HAS3: variants seen among roughly 807,000 people sequenced by gnomAD.
HAS3 encodes HA synthase 3.
HAS3 carries 27 observed loss-of-function variants against 50.3 expected under a neutral mutation model. That is an observed-to-expected ratio of 0.54 (90% CI 0.40 to 0.74). The LOEUF (loss-of-function observed/expected upper bound fraction) is 0.74, where lower values mean the gene tolerates loss of function less well. HAS3 is among the 30% of genes least tolerant of loss of function. The pLI is 0.00. For synonymous variants in HAS3, 339 were observed against 310.9 expected (o/e 1.09, Z -0.95); for missense variants, 517 against 742.8 (o/e 0.70, Z 3.53).
chr16:69,084,251 G>A, the HAS3 span: 1 of 152,398 alleles, frequency 6.6e-6, no homozygotes, highest in Non-Finnish European at 1.5e-5. Context: ...TGTCGAGATG[G>A]AAAACTGTGG....
upstream of HAS3, among the ~76,000 whole-genome samples, chr16:69,104,992 GTTTTTTTTTTTTTTTTTTTT>G (rs565397720): frequency 4.8e-3 from 397 of 82,026 alleles, 20 homozygotes; most frequent in East Asian, 0.14. Context: ...CTGTTTTTTG[GTTTTTTTTTTTTTTTTTTTT>G]TTTTTTTTTT....
rs1452216579 is a variant in HAS3, at chr16:69,106,395, G to A, written c.-1+608G>A. Reference sequence around the variant, plus strand: ...GAGGCCGGGGCGCGCCGGGTGGCAGGGGTGCCTCTCGCCGAGCCCCCCGCA... The same window carrying A: ...GAGGCCGGGGCGCGCCGGGTGGCAGAGGTGCCTCTCGCCGAGCCCCCCGCA... On this transcript the variant is annotated intron_variant, in intron 1 of 3. Transcript: ENST00000569188. This position sits in a 1 kb window ranked among gnomAD's most constrained non-coding sequence, Gnocchi z 5.5. 2 of 147,664 alleles carry A rather than the reference G, an allele frequency of 1.4e-5. No homozygotes were observed. Among genetic ancestry groups the A allele is most frequent in the African/African-American group, 4.9e-5 (2 of 40,958 alleles). 9.1% of individuals were successfully genotyped at this position (147,664 alleles called of 1,614,324 possible).
At chr16:69,110,836 G>T (rs542493159) in intron 2 of HAS3, among the ~76,000 whole-genome samples, 2 of 152,268 alleles carry the variant, frequency 1.3e-5, no homozygotes, top group South Asian at 2.1e-4. Flanking sequence ...AAGAGCAAAA[G>T]AAACCATCCT....
chr16:69,118,050 T>C (rs1185907571), downstream of HAS3: 2 of 441,774 alleles, frequency 4.5e-6, no homozygotes, highest in Non-Finnish European at 8.2e-6. Flanking sequence ...TAAGAAAAGA[T>C]ACAATGCAGG....
rs1225331568 is a variant in HAS3, at chr16:69,106,501, G to C, written c.-1+714G>C. 1 of 151,658 alleles carries C rather than the reference G, an allele frequency of 6.6e-6. No individual in the cohort carries two copies. The highest frequency in any genetic ancestry group is 1.5e-5 in the Non-Finnish European group (1 of 67,856). 9.4% of individuals were successfully genotyped at this position (151,658 alleles called of 1,614,324 possible). A position where few individuals can be genotyped will look rare whatever the true frequency, so the allele number is the denominator to read the frequency against. On this transcript the variant is annotated intron_variant, in intron 1 of 3. Coordinates refer to ENST00000569188, the MANE Select transcript of HAS3 (RefSeq NM_001199280.2). The surrounding 1 kb of genome is among the most constrained non-coding windows in gnomAD (Gnocchi z 5.5). Reference sequence around the variant, plus strand: ...GGGCGGCGGCAGCCCCGGGCTTCCCGGCGGCCGTTCCTGCAGCCCCCTCCC... The same window carrying C: ...GGGCGGCGGCAGCCCCGGGCTTCCCCGCGGCCGTTCCTGCAGCCCCCTCCC...
chr16:69,104,092 T>C (rs895496059), upstream of HAS3, among the ~76,000 whole-genome samples: 1 of 151,346 alleles, frequency 6.6e-6, no homozygotes, highest in African/African-American at 2.4e-5. Context: ...GCTGCTGGAG[T>C]CCAGGAATTT....
At chr16:69,098,822 T>A in the HAS3 span, among the ~76,000 whole-genome samples, 261 of 151,154 alleles carry the variant, frequency 1.7e-3, 3 homozygotes, top group African/African-American at 5.2e-3. Flanking sequence ...TGCACCACCA[T>A]GCCCAGCTAA....
At chr16:69,096,974 T>C in the HAS3 span, among the ~76,000 whole-genome samples, 1 of 151,830 alleles carries the variant, frequency 6.6e-6, no homozygotes, top group Admixed American at 6.6e-5. Context: ...CTGGGAAACA[T>C]GGTGAAACCC....
Position 69,115,214 on chromosome 16 carries a change from G to A in HAS3, c.1610G>A (p.Arg537Gln), listed in dbSNP as rs373836879. The change falls in exon 4 of 4, where the codon CGG (arginine) becomes CAG (glutamine). Residue 537 changes from arginine (R) to glutamine (Q), a missense_variant. Transcript: ENST00000569188. ...LLMLYLAIIA[R>Q]RCGKKPEQYS... ...ATGCTATATCTGGCCATCATCGCCC[G>A]GCGATGTGGGAAGAAGCCGGAGCAG... The A allele has an allele frequency of 3.4e-5, 52 of 1,547,632 alleles. No individual in the cohort carries two copies. Among genetic ancestry groups the A allele is most frequent in the East Asian group, 6.8e-5 (3 of 44,372 alleles).
upstream of HAS3, among the ~76,000 whole-genome samples, chr16:69,101,243 A>G (rs754342983): frequency 6.6e-6 from 1 of 152,240 alleles, no homozygotes; most frequent in Non-Finnish European, 1.5e-5. Flanking sequence ...GCTAGAGGGT[A>G]ACAGGCACTT....
At chr16:69,111,456 GC>G (rs2152257932) in intron 2 of HAS3, among the ~76,000 whole-genome samples, 1 of 152,320 alleles carries the variant, frequency 6.6e-6, no homozygotes, top group East Asian at 1.9e-4. Flanking sequence ...GCAGGGTGCT[GC>G]CCATCACTTG....
intron 2 of HAS3, 97 bp downstream of exon 2, chr16:69,110,128 T>C: frequency 1.6e-6 from 2 of 1,263,388 alleles, no homozygotes; most frequent in South Asian, 1.4e-5. Context: ...CTAGGTCCCT[T>C]GGGTTGTGCA....
the HAS3 span, among the ~76,000 whole-genome samples, chr16:69,094,804 C>T: frequency 2.0e-5 from 3 of 152,250 alleles, no homozygotes; most frequent in South Asian, 2.1e-4. Flanking sequence ...GTGAACAAAA[C>T]GGTTGTTGAA....
At chr16:69,095,920 A>G in the HAS3 span, among the ~76,000 whole-genome samples, 1 of 152,326 alleles carries the variant, frequency 6.6e-6, no homozygotes, top group African/African-American at 2.4e-5. Context: ...CACAATTAAG[A>G]ATTGTGGGGC....
chr16:69,105,155 G>A (rs904240192), upstream of HAS3, among the ~76,000 whole-genome samples: 4 of 151,876 alleles, frequency 2.6e-5, no homozygotes, highest in Admixed American at 2.0e-4. Context: ...TTACGGGCAT[G>A]GTGCCCGTAA....
chr16:69,112,814 C>G (rs778297708), intron 2 of HAS3, among the ~76,000 whole-genome samples: 5 of 152,244 alleles, frequency 3.3e-5, no homozygotes, highest in Non-Finnish European at 4.4e-5. Context: ...CTGGAGGCAG[C>G]TGCTGCAGCT....
chr16:69,109,072 G>A lies in HAS3; in HGVS notation c.1-324G>A, dbSNP rs1474043275. Reference sequence around the variant, plus strand: ...GCCACCCACCAGCCAGATGTCACGTGACCCTCTGGGCCTTGGCTTGTCTAC... The same window carrying A: ...GCCACCCACCAGCCAGATGTCACGTAACCCTCTGGGCCTTGGCTTGTCTAC... On this transcript the variant is annotated intron_variant, in intron 1 of 3. Transcript: ENST00000569188. The surrounding 1 kb of genome is among the most constrained non-coding windows in gnomAD (Gnocchi z 5.3). Among the ~76,000 whole-genome samples, 1 of 152,168 alleles carries A rather than the reference G, an allele frequency of 6.6e-6. No individual in the cohort carries two copies. The highest frequency in any genetic ancestry group is 1.5e-5 in the Non-Finnish European group (1 of 68,024).
At chr16:69,087,235 G>A in the HAS3 span, among the ~76,000 whole-genome samples, 10 of 152,024 alleles carry the variant, frequency 6.6e-5, no homozygotes, top group Non-Finnish European at 1.3e-4. Flanking sequence ...TCCCAGGCCC[G>A]CCATCCACCA....
chr16:69,104,992 G>GTGT (rs1960749369), upstream of HAS3, among the ~76,000 whole-genome samples: 1 of 81,958 alleles, frequency 1.2e-5, no homozygotes, highest in Non-Finnish European at 2.3e-5. Context: ...CTGTTTTTTG[G>GTGT]TTTTTTTTTT....
Sources: allele counts gnomAD v4.1 joint callset (sites outside exome capture counted in the v4.1 genomes callset), GRCh38; gene constraint gnomAD v4.1.1; non-coding constraint Gnocchi (gnomAD v3.1); transcripts MANE v1.5; gene names NCBI Gene and HGNC (gene_info 2026-07-23, HGNC 2026-07-21).